Variants in SLC35F1 observed in about 807,000 individuals in gnomAD.
The protein encoded by SLC35F1 is chromosome 6 open reading frame 169.
In SLC35F1, 14 loss-of-function variants were observed where a neutral mutation model predicts 48.7. The observed-to-expected ratio is 0.29, with a 90% CI of 0.19 to 0.45. The LOEUF is 0.45. Ranked by LOEUF, SLC35F1 falls within the 20% of genes least tolerant of loss-of-function variation. The probability of loss-of-function intolerance (pLI) is 1.00; values close to 1 mark genes in which losing one functional copy is unlikely to be tolerated. For missense variants in SLC35F1, 404 were observed against 500.0 expected, an observed-to-expected ratio of 0.81 and a Z score of 1.83; for synonymous variants, 190 against 202.2, an observed-to-expected ratio of 0.94 and a Z score of 0.51.
At chr6:117,952,026 T>C (rs774192027) in intron 1 of SLC35F1, among the ~76,000 whole-genome samples, 1 of 152,262 alleles carries the variant, frequency 6.6e-6, no homozygotes, top group Non-Finnish European at 1.5e-5. Flanking sequence ...CCTCATGCTG[T>C]GTCCTTCTGC....
intron 2 of SLC35F1, among the ~76,000 whole-genome samples, chr6:118,162,054 A>T (rs1774244108): frequency 1.3e-5 from 2 of 152,336 alleles, no homozygotes; most frequent in South Asian, 4.1e-4. Flanking sequence ...CCCTGCAAAG[A>T]TCTACATACA....
intron 1 of SLC35F1, among the ~76,000 whole-genome samples, chr6:118,095,512 C>T (rs1773141191): frequency 6.6e-6 from 1 of 152,078 alleles, no homozygotes; most frequent in African/African-American, 2.4e-5. Context: ...TGCCTTCAGT[C>T]CTCTTTCAGT....
chr6:118,184,456 C>T (rs1254239263), intron 2 of SLC35F1, among the ~76,000 whole-genome samples: 4 of 152,212 alleles, frequency 2.6e-5, no homozygotes, highest in Admixed American at 2.6e-4. Flanking sequence ...TACCATCCAA[C>T]TTCTGAGTAA....
In SLC35F1 at chr6:118,285,324, C is replaced by G. The variant is rs1183735509; in HGVS notation, c.988C>G (p.Leu330Val). The change falls in exon 7 of 8, where the codon CTC (leucine) becomes GTC (valine). Residue 330 changes from leucine (L) to valine (V), a missense_variant. This residue lies in a region of SLC35F1 where 306 missense variants were observed against 419.1 expected (regional missense o/e 0.73). Coordinates refer to ENST00000360388, the MANE Select transcript of SLC35F1 (RefSeq NM_001029858.4). ...DLYSLFCGLF[L>V]FHYKFSGLYL... ...GTACAGCCTGTTCTGTGGATTGTTT[C>G]TCTTCCACTACAAGGTAAGTTGAGT... 1.2e-6 allele frequency: 2 copies of G among 1,613,810 alleles called. No homozygotes were observed. The highest frequency in any genetic ancestry group is 2.7e-5 in the African/African-American group (2 of 74,912).
At chr6:118,070,300 AG>A (rs141648845) in intron 1 of SLC35F1, among the ~76,000 whole-genome samples, 2,284 of 152,316 alleles carry the variant, frequency 0.015, 64 homozygotes, top group African/African-American at 0.052. Flanking sequence ...TTAGAGAAGC[AG>A]CAACCTGCAG....
intron 1 of SLC35F1, among the ~76,000 whole-genome samples, chr6:117,949,878 T>C (rs75874035): frequency 0.015 from 2,307 of 152,220 alleles, 60 homozygotes; most frequent in African/African-American, 0.052. Flanking sequence ...GGGGGTGGTC[T>C]ACGCACTTGA....
At chr6:117,986,922 A>G (rs755813455) in intron 1 of SLC35F1, among the ~76,000 whole-genome samples, 13 of 152,180 alleles carry the variant, frequency 8.5e-5, no homozygotes, top group Non-Finnish European at 1.8e-4. Context: ...GTGGGTGCTC[A>G]TGATACAGAC....
intron 5 of SLC35F1, 35 bp downstream of exon 5, chr6:118,275,650 G>A (rs1197494784): frequency 6.2e-7 from 1 of 1,600,434 alleles, no homozygotes; most frequent in Non-Finnish European, 8.5e-7. Flanking sequence ...AGATAGTAGA[G>A]GGACTGTCAA....
At chr6:118,295,875 T>C (rs1776177329) in intron 7 of SLC35F1, among the ~76,000 whole-genome samples, 1 of 152,180 alleles carries the variant, frequency 6.6e-6, no homozygotes, top group South Asian at 2.1e-4. Context: ...GCCCAAAGTA[T>C]TACACATGGA....
intron 2 of SLC35F1, among the ~76,000 whole-genome samples, chr6:118,156,433 C>T (rs1218141860): frequency 6.6e-6 from 1 of 151,910 alleles, no homozygotes; most frequent in African/African-American, 2.4e-5. Context: ...CATTGGTTTG[C>T]AAATACCGCA....
chr6:117,963,771 C>T (rs889735721), intron 1 of SLC35F1, among the ~76,000 whole-genome samples: 12 of 152,040 alleles, frequency 7.9e-5, no homozygotes, highest in African/African-American at 2.9e-4. Flanking sequence ...ATTGTTTTTG[C>T]TTGTTTCCCC....
intron 1 of SLC35F1, among the ~76,000 whole-genome samples, chr6:118,029,133 T>C (rs558745834): frequency 5.4e-4 from 82 of 151,300 alleles, no homozygotes; most frequent in African/African-American, 1.9e-3. Flanking sequence ...TGAAGAAGCT[T>C]CAGGAAGGAC....
At chr6:117,915,919 G>A (rs781153076) in intron 1 of SLC35F1, among the ~76,000 whole-genome samples, 1 of 152,180 alleles carries the variant, frequency 6.6e-6, no homozygotes, top group African/African-American at 2.4e-5. Flanking sequence ...TCTGGACCAG[G>A]TCAGCTAAAA....
At chr6:118,087,872 C>T (rs577663433) in intron 1 of SLC35F1, among the ~76,000 whole-genome samples, 13 of 152,252 alleles carry the variant, frequency 8.5e-5, no homozygotes, top group African/African-American at 2.9e-4. Context: ...CCTTTAGAAA[C>T]ATTTTGTTAT....
In SLC35F1 at chr6:118,224,527, C is replaced by T. The variant is rs578102660; in HGVS notation, c.350-10982C>T. Among the ~76,000 whole-genome samples, 137 of 152,116 alleles carry T rather than the reference C, an allele frequency of 9.0e-4. 1 individual carries two copies. Among genetic ancestry groups the T allele is most frequent in the Admixed American group, 1.4e-3 (22 of 15,272 alleles). On this transcript the variant is annotated intron_variant, in intron 2 of 7. Transcript: ENST00000360388. ...CTCCCACCTGAGCCTCCTGAGTATC[C>T]GGGACTATAGGCACACTCATTTATT... is the stretch of plus-strand genomic sequence containing the variant.
At chr6:118,138,971 AACACACACAC>A (rs58109876) in intron 1 of SLC35F1, among the ~76,000 whole-genome samples, 5 of 149,986 alleles carry the variant, frequency 3.3e-5, no homozygotes, top group Non-Finnish European at 7.4e-5. Flanking sequence ...TTTCAGCAGA[AACACACACAC>A]ACACACACAC....
chr6:118,058,285 G>A (rs1240947534), intron 1 of SLC35F1, among the ~76,000 whole-genome samples: 5 of 151,942 alleles, frequency 3.3e-5, no homozygotes, highest in Non-Finnish European at 5.9e-5. Flanking sequence ...AACTCAGCCC[G>A]GCCTCTCTGA....
chr6:117,967,573 C>T (rs1776586717), intron 1 of SLC35F1, among the ~76,000 whole-genome samples: 1 of 152,142 alleles, frequency 6.6e-6, no homozygotes, highest in Admixed American at 6.5e-5. Flanking sequence ...AAGAAATCGA[C>T]ACATTGTGAC....
At chr6:117,978,324 A>G (rs1283889494) in intron 1 of SLC35F1, among the ~76,000 whole-genome samples, 2 of 152,002 alleles carry the variant, frequency 1.3e-5, no homozygotes, top group Non-Finnish European at 2.9e-5. Context: ...CAAAGAAAAT[A>G]AATCTTACCA....
Sources: allele counts gnomAD v4.1 joint callset (sites outside exome capture counted in the v4.1 genomes callset), GRCh38; gene constraint gnomAD v4.1.1; regional missense constraint gnomAD v4.1.1; transcripts MANE v1.5; gene names NCBI Gene and HGNC (gene_info 2026-07-23, HGNC 2026-07-21).